Variants in FMN2 observed in about 807,000 individuals in gnomAD.
FMN2 encodes formin 2.
A neutral mutation model predicts 142.3 loss-of-function variants in FMN2; 51 were observed. The observed-to-expected ratio is 0.36, with a 90% CI of 0.29 to 0.45. The LOEUF (loss-of-function observed/expected upper bound fraction) is 0.45, where lower values mean the gene tolerates loss of function less well. Ranked by LOEUF, FMN2 falls within the 20% of genes least tolerant of loss-of-function variation. FMN2 has a pLI of 1.00. For missense variants in FMN2, 1,936 were observed against 2,122.8 expected (o/e 0.91, Z 1.73); for synonymous variants, 882 against 869.8 (o/e 1.01, Z -0.25).
At chr1:240,156,188 C>A (rs1175184676) in intron 2 of FMN2, among the ~76,000 whole-genome samples, 3 of 151,946 alleles carry the variant, frequency 2.0e-5, no homozygotes, top group Non-Finnish European at 4.4e-5. Flanking sequence ...AGTAGGAGGC[C>A]GAAGTGTGCT....
chr1:240,277,005 T>C (rs1669238231), intron 7 of FMN2, among the ~76,000 whole-genome samples: 1 of 152,226 alleles, frequency 6.6e-6, no homozygotes, highest in Non-Finnish European at 1.5e-5. Context: ...TGTGTGTTTG[T>C]GTTTGCACTG....
At chr1:240,327,035 T>A (rs1671194244) in intron 8 of FMN2, among the ~76,000 whole-genome samples, 1 of 152,204 alleles carries the variant, frequency 6.6e-6, no homozygotes, top group South Asian at 2.1e-4. Context: ...AGGCTGACTC[T>A]CATAGGTAAC....
At chr1:240,168,815 T>C (rs1011627714) in intron 2 of FMN2, among the ~76,000 whole-genome samples, 9 of 152,182 alleles carry the variant, frequency 5.9e-5, no homozygotes, top group Admixed American at 5.9e-4. Flanking sequence ...TCTCCAAACA[T>C]GTGGCAGGTG....
chr1:240,421,269 A>G (rs890547633), intron 15 of FMN2, among the ~76,000 whole-genome samples: 2 of 152,150 alleles, frequency 1.3e-5, no homozygotes, highest in East Asian at 1.9e-4. Context: ...TACCTTTCAG[A>G]TGGTACACAT....
At chr1:240,371,757 A>C (rs1330487915) in intron 14 of FMN2, among the ~76,000 whole-genome samples, 1 of 152,168 alleles carries the variant, frequency 6.6e-6, no homozygotes, top group Non-Finnish European at 1.5e-5. Context: ...GGGCATTTGG[A>C]TCATTAGGGA....
At chr1:240,151,829 C>A (rs190272063) in intron 2 of FMN2, among the ~76,000 whole-genome samples, 2 of 152,084 alleles carry the variant, frequency 1.3e-5, no homozygotes, top group African/African-American at 2.4e-5. Flanking sequence ...TGCAATGCTG[C>A]GATCATAGCT....
chr1:240,407,391 G>A (rs112468008), intron 15 of FMN2, among the ~76,000 whole-genome samples: 5 of 152,016 alleles, frequency 3.3e-5, no homozygotes, highest in African/African-American at 1.2e-4. Context: ...TGCCCGCCTC[G>A]GCCCCCCAGA....
At chr1:240,426,881 G>C (rs543255013) in intron 15 of FMN2, among the ~76,000 whole-genome samples, 6 of 151,902 alleles carry the variant, frequency 3.9e-5, no homozygotes, top group African/African-American at 7.3e-5. Flanking sequence ...TGGGATTACA[G>C]GTGCGCACCA....
At chr1:240,194,062 G>A (rs1159769475) in intron 4 of FMN2, among the ~76,000 whole-genome samples, 1 of 151,872 alleles carries the variant, frequency 6.6e-6, no homozygotes, top group African/African-American at 2.4e-5. Context: ...GTTTTTTGTT[G>A]TTGTTGTTGT....
chr1:240,448,552 A>C (rs1458981685), intron 16 of FMN2, among the ~76,000 whole-genome samples: 1 of 152,194 alleles, frequency 6.6e-6, no homozygotes, highest in East Asian at 1.9e-4. Context: ...GCTGTGGCAC[A>C]CGCTTGTATC....
chr1:240,143,094 C>T, intron 2 of FMN2: 1 of 1,530,432 alleles, frequency 6.5e-7, no homozygotes, highest in East Asian at 2.2e-5. Context: ...ATGTGTCAGG[C>T]CCTGTGCCAA....
At chr1:240,349,066 C>T (rs1290558514) in intron 13 of FMN2, among the ~76,000 whole-genome samples, 1 of 152,174 alleles carries the variant, frequency 6.6e-6, no homozygotes, top group Non-Finnish European at 1.5e-5. Context: ...AGCATAGGTC[C>T]TGACTGTGCC....
chr1:240,152,051 G>A (rs575111927), intron 2 of FMN2, among the ~76,000 whole-genome samples: 18 of 152,190 alleles, frequency 1.2e-4, no homozygotes, highest in Admixed American at 6.5e-4. Context: ...GATTACAGGC[G>A]TGAACCACCA....
chr1:240,442,178 C>T (rs1675644645), intron 16 of FMN2, among the ~76,000 whole-genome samples: 1 of 152,138 alleles, frequency 6.6e-6, no homozygotes, highest in Non-Finnish European at 1.5e-5. Flanking sequence ...TCTTCCCAAC[C>T]CACCACCCCT....
At chr1:240,227,879 A>T (rs1667370993) in intron 6 of FMN2, among the ~76,000 whole-genome samples, 1 of 152,238 alleles carries the variant, frequency 6.6e-6, no homozygotes, top group African/African-American at 2.4e-5. Flanking sequence ...CAAAAAACTT[A>T]AAAAGACAAC....
chr1:240,169,599 G>A (rs1005028265), intron 2 of FMN2, among the ~76,000 whole-genome samples: 1 of 152,044 alleles, frequency 6.6e-6, no homozygotes, highest in Admixed American at 6.6e-5. Flanking sequence ...CAAGTAGCTG[G>A]GACCACAGGA....
chr1:240,329,191 A>T, intron 9 of FMN2, 24 bp downstream of exon 9: 1 of 1,613,356 alleles, frequency 6.2e-7, no homozygotes, highest in Non-Finnish European at 8.5e-7. Flanking sequence ...ATAACCACGT[A>T]GAGGGCGTCC....
chr1:240,144,884 C>T (rs1663372102), intron 2 of FMN2: 2 of 1,433,440 alleles, frequency 1.4e-6, no homozygotes, highest in Non-Finnish European at 2.0e-6. Context: ...AGCCACTTCT[C>T]CTGCCAGGTG....
In FMN2 at chr1:240,439,279, A is replaced by AAAAAAAAAAAG. The variant is rs555074808; in HGVS notation, c.5060+1072_5060+1073insAAAAAAAGAAA. 6.9e-4 allele frequency among the ~76,000 whole-genome samples: 86 copies of AAAAAAAAAAAG among 124,766 alleles called. 1 individual carries two copies. Among genetic ancestry groups the AAAAAAAAAAAG allele is most frequent in the South Asian group, 1.9e-3 (7 of 3,644 alleles). 81.9% of individuals were successfully genotyped at this position (124,766 alleles called of 152,430 possible). A position where few individuals can be genotyped will look rare whatever the true frequency, so the allele number is the denominator to read the frequency against. Reference sequence around the variant, plus strand: ...CAGAGCAAGGCTGTCTCAAAAAAAAAAAAGAAAGAAAGAAAGAAAGAAAGA... The same window carrying AAAAAAAAAAAG: ...CAGAGCAAGGCTGTCTCAAAAAAAAAAAAAAAAAAAGAAAGAAAGAAAGAAAGAAAGAAAGA... On this transcript the variant is annotated intron_variant, in intron 16 of 17. Coordinates refer to ENST00000319653, the MANE Select transcript of FMN2 (RefSeq NM_020066.5).
Sources: allele counts gnomAD v4.1 joint callset (sites outside exome capture counted in the v4.1 genomes callset), GRCh38; gene constraint gnomAD v4.1.1; transcripts MANE v1.5; gene names NCBI Gene and HGNC (gene_info 2026-07-23, HGNC 2026-07-21).